Variants in NOTUM observed in about 807,000 individuals in gnomAD.
NOTUM encodes notum, palmitoleoyl-protein carboxylesterase.
Under a neutral mutation model 65.5 loss-of-function variants are expected in NOTUM, and 36 were observed. That is an observed-to-expected ratio of 0.55 (90% CI 0.42 to 0.73). NOTUM has a LOEUF of 0.73. Ranked by LOEUF, NOTUM falls within the 30% of genes least tolerant of loss-of-function variation. NOTUM has a pLI of 0.00. For missense variants in NOTUM, 659 were observed against 694.2 expected, an observed-to-expected ratio of 0.95 and a Z score of 0.57; for synonymous variants, 356 against 297.9, an observed-to-expected ratio of 1.20 and a Z score of -2.01.
chr17:81,960,653 T>G lies in NOTUM; in HGVS notation c.257A>C (p.Asn86Thr). ...SLYPCSAQQL[N>T]EDLRLHLLLN... ...TAGGAGGTGCAGGCGCAGGTCCTCG[T>G]TGAGCTGCTGCGCGGAGCAGGGGTA... Residue 86 changes from asparagine to threonine, a missense_variant, in exon 1 of 11, where the codon AAC becomes ACC. Physicochemically the swap from Asn to Thr is moderately conservative, Grantham distance 65 (BLOSUM62 0). Transcript: ENST00000409678. This position sits in a 1 kb window ranked among gnomAD's most constrained non-coding sequence, Gnocchi z 6.4. The G allele has an allele frequency of 6.3e-7, 1 of 1,581,064 alleles. No homozygotes were observed. Among genetic ancestry groups the G allele is most frequent in the Admixed American group, 1.8e-5 (1 of 56,474 alleles).
intron 5 of NOTUM, 46 bp downstream of exon 5, chr17:81,958,289 C>T (rs370128974): frequency 1.9e-5 from 26 of 1,355,052 alleles, no homozygotes; most frequent in African/African-American, 1.7e-4. Flanking sequence ...CCCTGCCATC[C>T]GGCCCCGTCC....
chr17:81,958,512 A>ATAT, intron 4 of NOTUM, 119 bp from the exon 5 acceptor site: 1 of 721,932 alleles, frequency 1.4e-6, no homozygotes, highest in Non-Finnish European at 2.5e-6. Flanking sequence ...CCCTGGAAGG[A>ATAT]CCATCCCAGG....
At chr17:81,958,638 G>T (rs2041451234) in intron 4 of NOTUM, among the ~76,000 whole-genome samples, 1 of 151,184 alleles carries the variant, frequency 6.6e-6, no homozygotes, top group Non-Finnish European at 1.5e-5. Flanking sequence ...AGGAAAGAAG[G>T]ACCATCCCAG....
Position 81,958,992 on chromosome 17 carries a change from G to A in NOTUM, c.476C>T (p.Thr159Ile). The A allele has an allele frequency of 3.1e-6, 5 of 1,612,916 alleles. No homozygotes were observed. The highest frequency in any genetic ancestry group is 1.1e-5 in the South Asian group (1 of 91,080). Residue 159 changes from threonine (T) to isoleucine (I), a missense_variant, in exon 4 of 11, where the codon ACA (threonine) becomes ATA (isoleucine). Thr to Ile is a moderately conservative substitution (Grantham distance 89). Coordinates refer to ENST00000409678, the MANE Select transcript of NOTUM (RefSeq NM_178493.6). ...CTCCGGCTGTGAGGACAGGATCCCT[G>A]TGCCTGGGGACACAGAGGCGGTGGG... ...SRDWPRTRTGTGILSSQPEEN... is the reference protein window; with the variant it reads ...SRDWPRTRTGIGILSSQPEEN...
Position 81,956,889 on chromosome 17 carries a change from C to T in NOTUM, c.881G>A (p.Gly294Asp). 6.2e-7 allele frequency: 1 copy of T among 1,609,358 alleles called. No homozygotes were observed. Among genetic ancestry groups the T allele is most frequent in the Non-Finnish European group, 8.5e-7 (1 of 1,178,602 alleles). Residue 294 changes from glycine (G) to aspartate (D), a missense_variant, in exon 7 of 11, where the codon GGC (glycine) becomes GAC (aspartate). By Grantham distance (94) the Gly-to-Asp change is moderately conservative. Coordinates refer to ENST00000409678, the MANE Select transcript of NOTUM (RefSeq NM_178493.6). ...GCCCTCCCCGCTGCGGCACCTGATG[C>T]CACGGCGGATGGCCTCCGTGGGCGC... Reference protein sequence around the residue: ...TCAPTEAIRRGIRYWNGVVPE... With the variant: ...TCAPTEAIRRDIRYWNGVVPE...
In NOTUM at chr17:81,959,486, G is replaced by A; in HGVS notation, c.457C>T (p.Pro153Ser). 6.5e-7 allele frequency: 1 copy of A among 1,547,836 alleles called. No homozygotes were observed. Among genetic ancestry groups the A allele is most frequent in the Non-Finnish European group, 8.7e-7 (1 of 1,146,248 alleles). The change falls in exon 3 of 11, where the codon CCG becomes TCG. Residue 153 changes from proline (P) to serine (S), a missense_variant. Pro to Ser is a moderately conservative substitution (Grantham distance 74). Transcript: ENST00000409678. The part of the protein sequence containing the change: ...MRRLMSSRDW[P>S]RTRTGTGILS... ...CGCCGCTGACCTGTGCGAGTGCGCGGCCAGTCCCGGGAGCTCATGAGGCGC... is the reference window on the plus strand; with the variant it reads ...CGCCGCTGACCTGTGCGAGTGCGCGACCAGTCCCGGGAGCTCATGAGGCGC...
chr17:81,953,349 G>A (rs1466437855), intron 10 of NOTUM, 82 bp from the exon 11 acceptor site: 24 of 878,844 alleles, frequency 2.7e-5, no homozygotes, highest in Non-Finnish European at 3.9e-5. Flanking sequence ...TTTGAGACCA[G>A]CCATGGCAGG....
In NOTUM at chr17:81,960,639, G is replaced by A. The variant is rs1472444745; in HGVS notation, c.271C>T (p.Leu91=). 5.8e-6 allele frequency: 9 copies of A among 1,560,874 alleles called. No homozygotes were observed. Among genetic ancestry groups the A allele is most frequent in the African/African-American group, 1.4e-5 (1 of 73,680 alleles). ...ACCGAGGTGTTGAGTAGGAGGTGCA[G>A]GCGCAGGTCCTCGTTGAGCTGCTGC... ...SAQQLNEDLR[L]HLLLNTSVTC... The change falls in exon 1 of 11, where the codon CTG becomes TTG. Residue 91 remains leucine (L), a synonymous_variant. Transcript: ENST00000409678. This position sits in a 1 kb window ranked among gnomAD's most constrained non-coding sequence, Gnocchi z 6.4.
chr17:81,952,798 C>G lies in NOTUM; in HGVS notation c.*163G>C. On this transcript the variant is annotated 3_prime_UTR_variant, in exon 11 of 11. Coordinates refer to ENST00000409678, the MANE Select transcript of NOTUM (RefSeq NM_178493.6). ...CTCTGGCTGGGCTGTGGGAGAGGGG[C>G]AGGGAAAGCCGGGGCAGGAGGGCAG... 1.6e-6 allele frequency: 1 copy of G among 642,244 alleles called. No individual in the cohort carries two copies. The highest frequency in any genetic ancestry group is 2.7e-6 in the Non-Finnish European group (1 of 366,612). The allele number at this position is 642,244 out of a possible 1,614,324, so 39.8% of individuals were successfully genotyped here.
chr17:81,959,735 G>A lies in NOTUM; in HGVS notation c.324-43C>T, dbSNP rs1170334744. The A allele has an allele frequency of 1.5e-5, 18 of 1,209,534 alleles. No homozygotes were observed. In the East Asian group the frequency reaches 5.1e-4, roughly 34 times the overall value. The allele number at this position is 1,209,534 out of a possible 1,614,324, so 74.9% of individuals were successfully genotyped here. On this transcript the variant is annotated intron_variant, in intron 1 of 10. Transcript: ENST00000409678. ...CCGCGGGGGGTCGGCCAGGGCTGCC[G>A]ACCCGCCGCGCCCCGCGCGCCCAGC...
intron 9 of NOTUM, among the ~76,000 whole-genome samples, chr17:81,954,829 C>G (rs185628209): frequency 2.0e-5 from 3 of 152,264 alleles, no homozygotes; most frequent in African/African-American, 7.2e-5. Context: ...GTTGCCCTGG[C>G]TGGTCTTAGA....
At chr17:81,956,497 CCTCCTCCCTGGTACACAGCCGGA>C (rs1567938366) in intron 8 of NOTUM, among the ~76,000 whole-genome samples, 130 bp downstream of exon 8, 10 of 150,478 alleles carry the variant, frequency 6.6e-5, no homozygotes, top group Middle Eastern at 3.2e-3. Context: ...ACACAGCCGG[CCTCCTCCCTGGTACACAGCCGGA>C]CTCCTCCCTG....
At position 81,960,696 on chromosome 17, in the gene NOTUM, T is replaced by C; in HGVS notation, c.214A>G (p.Ser72Gly). The change falls in exon 1 of 11, where the codon AGC becomes GGC. Residue 72 changes from serine to glycine, a missense_variant. Physicochemically the swap from Ser to Gly is moderately conservative, Grantham distance 56 (BLOSUM62 0). Coordinates refer to ENST00000409678, the MANE Select transcript of NOTUM (RefSeq NM_178493.6). The surrounding 1 kb of genome is among the most constrained non-coding windows in gnomAD (Gnocchi z 6.4). Reference protein sequence around the residue: ...NMDSFMAQVKSLAQSLYPCSA... With the variant: ...NMDSFMAQVKGLAQSLYPCSA... ...CAGGGGTACAGGGACTGCGCCAGGC[T>C]CTTGACTTGCGCCATGAAGCTGTCC... is the stretch of plus-strand genomic sequence containing the variant. 1 of 1,603,176 alleles carries C rather than the reference T, an allele frequency of 6.2e-7. No homozygotes were observed. The highest frequency in any genetic ancestry group is 1.7e-4 in the Middle Eastern group (1 of 6,036).
intron 8 of NOTUM, among the ~76,000 whole-genome samples, chr17:81,956,418 C>G (rs1286083911): frequency 1.3e-5 from 2 of 152,084 alleles, no homozygotes; most frequent in African/African-American, 4.8e-5. Context: ...CCCAGGCATG[C>G]CGCAGCGACT....
intron 6 of NOTUM, 113 bp from the exon 7 acceptor site, chr17:81,957,187 T>G: frequency 1.2e-6 from 1 of 810,448 alleles, no homozygotes; most frequent in Non-Finnish European, 1.9e-6. Context: ...TGATGCGTTC[T>G]GAACTGCGGA....
intron 9 of NOTUM, among the ~76,000 whole-genome samples, chr17:81,954,947 C>CTCTCTCCTCTCTCTCTT (rs1239705067): frequency 6.0e-5 from 7 of 116,340 alleles, no homozygotes; most frequent in African/African-American, 2.0e-4. Context: ...CTCTCTCTCT[C>CTCTCTCCTCTCTCTCTT]TCTCTCTCTC....
At chr17:81,959,399 G>A in intron 3 of NOTUM, 72 bp downstream of exon 3, 2 of 1,195,034 alleles carry the variant, frequency 1.7e-6, no homozygotes, top group Non-Finnish European at 2.4e-6. Context: ...GCCTGGCTGG[G>A]GCTCCAGGAG....
At chr17:81,953,979 T>C (rs2041408604) in intron 10 of NOTUM, among the ~76,000 whole-genome samples, 1 of 151,464 alleles carries the variant, frequency 6.6e-6, no homozygotes, top group Non-Finnish European at 1.5e-5. Context: ...GGTTTCACTA[T>C]ATTGGCCAGG....
At chr17:81,953,297 C>T (rs1473352882) in intron 10 of NOTUM, 30 bp from the exon 11 acceptor site, 1 of 1,520,224 alleles carries the variant, frequency 6.6e-7, no homozygotes, top group Admixed American at 1.8e-5. Flanking sequence ...GAGGGGGTCA[C>T]ATGTGCGGAG....
Sources: allele counts gnomAD v4.1 joint callset (sites outside exome capture counted in the v4.1 genomes callset), GRCh38; gene constraint gnomAD v4.1.1; non-coding constraint Gnocchi (gnomAD v3.1); transcripts MANE v1.5; gene names NCBI Gene and HGNC (gene_info 2026-07-23, HGNC 2026-07-21).